Variants in FAM135B observed in about 807,000 individuals in gnomAD.
The protein encoded by FAM135B is protein FAM135B.
Under a neutral mutation model 127.7 loss-of-function variants are expected in FAM135B, and 43 were observed. The ratio of observed to expected loss-of-function variants is 0.34; its 90% CI spans 0.26 to 0.43. The LOEUF (loss-of-function observed/expected upper bound fraction) is 0.43. FAM135B is among the 20% of genes least tolerant of loss of function. The pLI, the probability that FAM135B is intolerant of heterozygous loss-of-function variation, is 1.00. For missense variants in FAM135B, 1,558 were observed against 1,725.6 expected, an observed-to-expected ratio of 0.90 and a Z score of 1.72; for synonymous variants, 670 against 665.1, an observed-to-expected ratio of 1.01 and a Z score of -0.11.
At chr8:138,339,412 C>T (rs993972674) in intron 2 of FAM135B, among the ~76,000 whole-genome samples, 1 of 149,644 alleles carries the variant, frequency 6.7e-6, no homozygotes, top group Non-Finnish European at 1.5e-5. Context: ...AAACTATTTT[C>T]CCTGAACTCC....
intron 1 of FAM135B, among the ~76,000 whole-genome samples, chr8:138,487,351 A>AC (rs891963170): frequency 8.6e-5 from 13 of 151,696 alleles, no homozygotes; most frequent in Non-Finnish European, 2.9e-5. Flanking sequence ...CCATGGGACT[A>AC]CTTTTTTTTT....
intron 1 of FAM135B, among the ~76,000 whole-genome samples, chr8:138,466,231 C>T (rs1004602576): frequency 1.3e-4 from 20 of 152,132 alleles, no homozygotes; most frequent in Admixed American, 1.2e-3. Flanking sequence ...ACAGACTGGA[C>T]CCTGCTCTTG....
intron 7 of FAM135B, among the ~76,000 whole-genome samples, chr8:138,213,363 A>G (rs953060838): frequency 2.6e-5 from 4 of 152,220 alleles, no homozygotes; most frequent in South Asian, 2.1e-4. Context: ...AATTCTTTCT[A>G]TTAATATCGT....
chr8:138,338,669 A>C (rs1828804464), intron 2 of FAM135B, among the ~76,000 whole-genome samples: 2 of 151,672 alleles, frequency 1.3e-5, no homozygotes, highest in South Asian at 4.2e-4. Context: ...GTGGGACTGT[A>C]AACTAGTTCA....
At chr8:138,360,558 G>A (rs1563934134) in intron 2 of FAM135B, among the ~76,000 whole-genome samples, 1 of 152,194 alleles carries the variant, frequency 6.6e-6, no homozygotes, top group Non-Finnish European at 1.5e-5. Context: ...AGAAGTCAGG[G>A]TCTCATTTTC....
chr8:138,470,558 C>A (rs762254218), intron 1 of FAM135B, among the ~76,000 whole-genome samples: 1 of 152,228 alleles, frequency 6.6e-6, no homozygotes, highest in Admixed American at 6.5e-5. Flanking sequence ...GATTTCTATT[C>A]GTTGTGTAAT....
At chr8:138,410,128 T>C (rs2131401354) in intron 1 of FAM135B, among the ~76,000 whole-genome samples, 1 of 152,196 alleles carries the variant, frequency 6.6e-6, no homozygotes, top group South Asian at 2.1e-4. Flanking sequence ...AAAGGCTGAC[T>C]TAGAGAAAGC....
At chr8:138,493,692 G>A (rs964147924) in intron 1 of FAM135B, among the ~76,000 whole-genome samples, 2 of 152,156 alleles carry the variant, frequency 1.3e-5, no homozygotes, top group African/African-American at 2.4e-5. Flanking sequence ...CAAGGATTTT[G>A]CTCATTTTCT....
chr8:138,327,367 C>A (rs1433805982), intron 2 of FAM135B, among the ~76,000 whole-genome samples: 2 of 152,152 alleles, frequency 1.3e-5, no homozygotes, highest in East Asian at 3.8e-4. Context: ...CAAAAATTAT[C>A]TTGCTCATAG....
intron 1 of FAM135B, among the ~76,000 whole-genome samples, chr8:138,389,626 T>C (rs1193541957): frequency 1.3e-5 from 2 of 152,100 alleles, no homozygotes; most frequent in East Asian, 1.9e-4. Flanking sequence ...GACAAATCCA[T>C]ACAGACAGAG....
intron 1 of FAM135B, among the ~76,000 whole-genome samples, chr8:138,406,070 C>T (rs2131381912): frequency 6.8e-6 from 1 of 147,436 alleles, no homozygotes; most frequent in East Asian, 2.0e-4. Flanking sequence ...TTGTTTGCTC[C>T]TTTCTTGTAA....
intron 1 of FAM135B, among the ~76,000 whole-genome samples, chr8:138,373,951 CCT>C (rs1225785371): frequency 1.3e-5 from 2 of 152,236 alleles, no homozygotes; most frequent in African/African-American, 2.4e-5. Flanking sequence ...TAATTTCACC[CCT>C]GTCCTGTGGT....
intron 1 of FAM135B, among the ~76,000 whole-genome samples, chr8:138,427,769 G>A (rs563848100): frequency 1.3e-5 from 2 of 152,184 alleles, no homozygotes; most frequent in African/African-American, 2.4e-5. Context: ...TGTTGAAATC[G>A]ATGTAACATC....
At chr8:138,345,205 A>G (rs978105235) in intron 2 of FAM135B, among the ~76,000 whole-genome samples, 1 of 152,186 alleles carries the variant, frequency 6.6e-6, no homozygotes, top group African/African-American at 2.4e-5. Context: ...CAGGAAACAG[A>G]GGAGTTGATG....
At chr8:138,289,154 C>T (rs1824913699) in intron 3 of FAM135B, among the ~76,000 whole-genome samples, 1 of 152,178 alleles carries the variant, frequency 6.6e-6, no homozygotes, top group Non-Finnish European at 1.5e-5. Context: ...AGATGGAAAC[C>T]TCTATTTTCC....
intron 1 of FAM135B, among the ~76,000 whole-genome samples, chr8:138,389,107 T>A (rs772786115): frequency 6.6e-6 from 1 of 152,156 alleles, no homozygotes; most frequent in African/African-American, 2.4e-5. Flanking sequence ...CAATGAGATA[T>A]CACTTCATAG....
At chr8:138,157,048 T>C (rs1488685549) in intron 12 of FAM135B, among the ~76,000 whole-genome samples, 2 of 152,160 alleles carry the variant, frequency 1.3e-5, no homozygotes, top group Non-Finnish European at 2.9e-5. Flanking sequence ...AAATCCTCAA[T>C]AAAATACTGG....
At chr8:138,432,226 T>A (rs1835227399) in intron 1 of FAM135B, among the ~76,000 whole-genome samples, 1 of 152,166 alleles carries the variant, frequency 6.6e-6, no homozygotes, top group African/African-American at 2.4e-5. Context: ...TGTTCCTTTA[T>A]AAAACGTGTT....
At chr8:138,178,393 G>T in intron 10 of FAM135B, 142 bp downstream of exon 10, 1 of 887,320 alleles carries the variant, frequency 1.1e-6, no homozygotes, top group Non-Finnish European at 1.7e-6. Flanking sequence ...AGTTCACAAC[G>T]CCACCCTGCA....
Sources: allele counts gnomAD v4.1 joint callset (sites outside exome capture counted in the v4.1 genomes callset), GRCh38; gene constraint gnomAD v4.1.1; transcripts MANE v1.5; gene names NCBI Gene and HGNC (gene_info 2026-07-23, HGNC 2026-07-21).